The following RAD23B variants were observed in gnomAD, a reference collection of about 807,000 sequenced individuals.
RAD23B encodes the protein lysine-specific demethylase RAD23B.
RAD23B carries 5 observed loss-of-function variants against 49.1 expected under a neutral mutation model. The observed-to-expected ratio is 0.10, with a 90% CI of 0.05 to 0.21. The LOEUF (loss-of-function observed/expected upper bound fraction) is 0.21. Among genes scored for constraint, RAD23B ranks in the 10% least tolerant of loss-of-function variants. The probability of loss-of-function intolerance (pLI) is 1.00; values close to 1 mark genes in which losing one functional copy is unlikely to be tolerated. For synonymous variants in RAD23B, 184 were observed against 165.4 expected (o/e 1.11, Z -0.86); for missense variants, 356 against 486.7 (o/e 0.73, Z 2.53).
intron 1 of RAD23B, among the ~76,000 whole-genome samples, chr9:107,298,863 T>A (rs1826591561): frequency 6.6e-6 from 1 of 152,144 alleles, no homozygotes; most frequent in South Asian, 2.1e-4. Flanking sequence ...TTACTTGTGT[T>A]TTACCTTTGA....
intron 1 of RAD23B, among the ~76,000 whole-genome samples, chr9:107,289,132 C>T (rs144728496): frequency 7.5e-6 from 1 of 133,844 alleles, no homozygotes; most frequent in Non-Finnish European, 1.6e-5. Context: ...CCTTCCCTCT[C>T]CTTTCCTCTC....
At chr9:107,326,656 CAG>C (rs1426260945) in intron 9 of RAD23B, among the ~76,000 whole-genome samples, 2 of 80,068 alleles carry the variant, frequency 2.5e-5, no homozygotes, top group African/African-American at 9.3e-5. Context: ...TTTTTTGAGA[CAG>C]AGTCTCGCTC....
intron 1 of RAD23B, among the ~76,000 whole-genome samples, chr9:107,294,790 G>A (rs1182200966): frequency 6.6e-6 from 1 of 152,144 alleles, no homozygotes; most frequent in Non-Finnish European, 1.5e-5. Flanking sequence ...GATGACATCT[G>A]CATGGTTATT....
Position 107,306,658 on chromosome 9 carries a change from G to C in RAD23B, c.497+11G>C. The C allele has an allele frequency of 1.2e-6, 2 of 1,607,378 alleles. No homozygotes were observed. Among genetic ancestry groups the C allele is most frequent in the Non-Finnish European group, 1.7e-6 (2 of 1,176,006 alleles). ...AACAGCAACTGACAGGTAGGAACTGGATTCTAGGACATTCTATCTCAAAAT... is the reference window on the plus strand; with the variant it reads ...AACAGCAACTGACAGGTAGGAACTGCATTCTAGGACATTCTATCTCAAAAT... On this transcript the variant is annotated intron_variant, in intron 4 of 9. Transcript: ENST00000358015.
chr9:107,326,152 C>G (rs757197349), intron 9 of RAD23B, among the ~76,000 whole-genome samples: 1 of 152,002 alleles, frequency 6.6e-6, no homozygotes, highest in African/African-American at 2.4e-5. Context: ...TGCATCTGTT[C>G]ATAAGTCATA....
At chr9:107,304,037 A>G (rs539631697) in intron 3 of RAD23B, among the ~76,000 whole-genome samples, 2 of 152,316 alleles carry the variant, frequency 1.3e-5, no homozygotes, top group South Asian at 4.1e-4. Context: ...TTTGAAGTTA[A>G]TAGAGGACAA....
In RAD23B at chr9:107,318,708, T is replaced by C. The variant is rs1408480098; in HGVS notation, c.554-44T>C. The C allele has an allele frequency of 4.5e-6, 7 of 1,567,948 alleles. No homozygotes were observed. The highest frequency in any genetic ancestry group is 1.7e-4 in the Middle Eastern group (1 of 5,842). On this transcript the variant is annotated intron_variant, in intron 5 of 9. Transcript: ENST00000358015. This position sits in a 1 kb window ranked among gnomAD's most constrained non-coding sequence, Gnocchi z 4.3. ...TCAATAAATGTATAGAGAATGCTTA[T>C]TTATTAAATGTTCCTTTTTTTCCCC... is the stretch of plus-strand genomic sequence containing the variant.
intron 1 of RAD23B, among the ~76,000 whole-genome samples, chr9:107,289,925 A>G (rs891383746): frequency 5.9e-5 from 9 of 152,182 alleles, no homozygotes; most frequent in Admixed American, 5.9e-4. Flanking sequence ...CCTTGTAGCC[A>G]CATTGACTTG....
In RAD23B at chr9:107,302,078, T is replaced by G; in HGVS notation, c.192T>G (p.Ile64Met). 1 of 1,613,356 alleles carries G rather than the reference T, an allele frequency of 6.2e-7. No individual in the cohort carries two copies. The highest frequency in any genetic ancestry group is 1.1e-5 in the South Asian group (1 of 91,058). The stretch of plus-strand genomic sequence containing the variant: ...ATACTGCTCTCAAAGAATATAAAAT[T>G]GATGAGAAAAACTTTGTGGTGGTTA... ...NDDTALKEYK[I>M]DEKNFVVVMV... The change falls in exon 3 of 10, where the codon ATT (isoleucine) becomes ATG (methionine). Residue 64 changes from isoleucine (I) to methionine (M), a missense_variant. Physicochemically the swap from Ile to Met is conservative, Grantham distance 10. Around this residue, in one of 5 missense-constraint regions of RAD23B, gnomAD observed 32 missense variants for 62.3 expected, o/e 0.51. Transcript: ENST00000358015.
At chr9:107,289,974 A>G (rs1476943506) in intron 1 of RAD23B, among the ~76,000 whole-genome samples, 1 of 152,214 alleles carries the variant, frequency 6.6e-6, no homozygotes, top group Non-Finnish European at 1.5e-5. Context: ...ACTTAAGTTC[A>G]TGAGCACTAA....
intron 2 of RAD23B, among the ~76,000 whole-genome samples, chr9:107,301,816 C>G (rs1275226174): frequency 6.6e-6 from 1 of 152,148 alleles, no homozygotes; most frequent in Non-Finnish European, 1.5e-5. Context: ...GTTGGGATTA[C>G]AGGTGTGAGC....
chr9:107,302,268 A>G (rs1211196925), intron 3 of RAD23B, among the ~76,000 whole-genome samples, 154 bp downstream of exon 3: 2 of 152,206 alleles, frequency 1.3e-5, no homozygotes, highest in African/African-American at 2.4e-5. Context: ...CTTAAGTGAA[A>G]CATAAAGTTA....
At chr9:107,313,848 A>G (rs942293) in intron 5 of RAD23B, among the ~76,000 whole-genome samples, 122,761 of 152,022 alleles carry the variant, frequency 0.81, 50,108 homozygotes, top group African/African-American at 0.93. Flanking sequence ...TTGGCCCAGT[A>G]AGTCTGTTTC....
At chr9:107,325,106 G>A (rs1239703541) in intron 9 of RAD23B, 102 bp downstream of exon 9, 2 of 1,154,868 alleles carry the variant, frequency 1.7e-6, no homozygotes, top group South Asian at 2.7e-5. Flanking sequence ...CCTGAGGTCA[G>A]GAGTTCAAGA....
At position 107,322,169 on chromosome 9, in the gene RAD23B, T is replaced by A. The variant is rs376680525; in HGVS notation, c.817+51T>A. On this transcript the variant is annotated intron_variant, in intron 7 of 9. Coordinates refer to ENST00000358015, the MANE Select transcript of RAD23B (RefSeq NM_002874.5). ...AGGGAATGGCCCTGAATTTTTAGTG[T>A]AAAATAATTTAACCTGAAATACTTC... The A allele has an allele frequency of 1.1e-4, 172 of 1,507,580 alleles. No individual in the cohort carries two copies. In the African/African-American group the frequency reaches 2.3e-3, roughly 20 times the overall value. 93.4% of individuals were successfully genotyped at this position (1,507,580 alleles called of 1,614,324 possible). A position where few individuals can be genotyped will look rare whatever the true frequency, so the allele number is the denominator to read the frequency against.
chr9:107,316,200 G>T (rs1015346940), intron 5 of RAD23B, among the ~76,000 whole-genome samples: 6 of 151,398 alleles, frequency 4.0e-5, no homozygotes, highest in Non-Finnish European at 7.4e-5. Context: ...TTTAGTAGAG[G>T]CGGGGTTTCA....
chr9:107,315,819 G>C (rs1254907090), intron 5 of RAD23B, among the ~76,000 whole-genome samples: 1 of 152,002 alleles, frequency 6.6e-6, no homozygotes, highest in East Asian at 2.0e-4. Context: ...GGCCTCTCTA[G>C]TTCTTTTTAC....
intron 3 of RAD23B, among the ~76,000 whole-genome samples, chr9:107,304,005 AATG>A (rs1329000730): frequency 6.6e-6 from 1 of 152,170 alleles, no homozygotes; most frequent in Non-Finnish European, 1.5e-5. Flanking sequence ...ATAGGATTCT[AATG>A]ATATTTATGA....
chr9:107,319,713 T>G (rs944066957), intron 6 of RAD23B, among the ~76,000 whole-genome samples: 4 of 152,160 alleles, frequency 2.6e-5, no homozygotes, highest in African/African-American at 9.7e-5. Context: ...GAATTTGTTT[T>G]TATAGTCAGT....
Sources: gnomAD v4.1 joint callset for allele counts (sites outside exome capture counted in the v4.1 genomes callset) on GRCh38, gnomAD v4.1.1 for gene constraint, gnomAD v4.1.1 regional missense constraint, Gnocchi (gnomAD v3.1) non-coding constraint, MANE v1.5 for transcripts, NCBI Gene and HGNC (gene_info 2026-07-23, HGNC 2026-07-21) for gene names.